Variants in CYLC2 observed in about 807,000 individuals in gnomAD.
CYLC2 encodes cylicin 2, also known as cylicin-2.
In CYLC2, 30 loss-of-function variants were observed where a neutral mutation model predicts 26.1. The ratio of observed to expected loss-of-function variants is 1.15; its 90% CI spans 0.86 to 1.56. The LOEUF is 1.56. Among genes scored for constraint, CYLC2 ranks in the 40% most tolerant of loss-of-function variants. The pLI, the probability that CYLC2 is intolerant of heterozygous loss-of-function variation, is 0.00. For missense variants in CYLC2, 498 were observed against 394.4 expected (o/e 1.26, Z -2.23); for synonymous variants, 158 against 132.8 (o/e 1.19, Z -1.31).
chr9:103,005,282 C>CA lies in CYLC2; in HGVS notation c.657dup (p.Gly220ArgfsTer2). 6.2e-7 allele frequency: 1 copy of CA among 1,612,660 alleles called. No homozygotes were observed. The highest frequency in any genetic ancestry group is 8.5e-7 in the Non-Finnish European group (1 of 1,179,680). On this transcript the variant is annotated frameshift_variant, in exon 5 of 8. Transcript: ENST00000374798. LOFTEE classifies it low-confidence loss of function (END_TRUNC). ...AAAAAGGAGGTACAGAGAAAGATAG[C>CA]AAAAAAGGTAAAAAGGATTCAAAGA...
intron 5 of CYLC2, among the ~76,000 whole-genome samples, chr9:103,008,126 GA>G (rs1468394784): frequency 6.6e-6 from 1 of 151,284 alleles, no homozygotes; most frequent in African/African-American, 2.4e-5. Context: ...GAAGATTTAG[GA>G]AATCATTTCA....
At chr9:103,016,465 G>C (rs988423444) in intron 6 of CYLC2, among the ~76,000 whole-genome samples, 2 of 151,996 alleles carry the variant, frequency 1.3e-5, no homozygotes, top group Non-Finnish European at 2.9e-5. Context: ...AATTTCAGTA[G>C]TTGTCACATG....
At chr9:102,999,054 T>G (rs1230331434) in intron 1 of CYLC2, among the ~76,000 whole-genome samples, 1 of 151,922 alleles carries the variant, frequency 6.6e-6, no homozygotes, top group Non-Finnish European at 1.5e-5. Context: ...TTGAGGTTAT[T>G]GTGAATAAAA....
chr9:103,000,947 C>G (rs1003460007), intron 1 of CYLC2, among the ~76,000 whole-genome samples: 1 of 151,728 alleles, frequency 6.6e-6, no homozygotes, highest in Non-Finnish European at 1.5e-5. Flanking sequence ...AAATGGGAAC[C>G]TACAAATGGA....
intron 5 of CYLC2, among the ~76,000 whole-genome samples, chr9:103,007,483 C>A (rs969044546): frequency 6.6e-6 from 1 of 151,976 alleles, no homozygotes; most frequent in Non-Finnish European, 1.5e-5. Context: ...CAGAGTGTAA[C>A]AGAGTAAGAA....
intron 6 of CYLC2, among the ~76,000 whole-genome samples, chr9:103,013,775 T>C (rs1298637307): frequency 2.8e-5 from 3 of 107,518 alleles, no homozygotes; most frequent in African/African-American, 7.7e-5. Flanking sequence ...TTTTATATTA[T>C]ATATTATATG....
intron 5 of CYLC2, among the ~76,000 whole-genome samples, chr9:103,010,010 TAC>T: frequency 6.6e-6 from 1 of 151,702 alleles, no homozygotes; most frequent in Middle Eastern, 3.5e-3. Context: ...TATATATATA[TAC>T]ATGTCAATAT....
In CYLC2 at chr9:103,005,924, C is replaced by A. The variant is rs1053133841; in HGVS notation, c.*246C>A. 2.0e-5 allele frequency: 8 copies of A among 405,012 alleles called. No individual in the cohort carries two copies. The highest frequency in any genetic ancestry group is 2.6e-5 in the Non-Finnish European group (6 of 229,918). 25.1% of individuals were successfully genotyped at this position (405,012 alleles called of 1,614,324 possible). A position where few individuals can be genotyped will look rare whatever the true frequency, so the allele number is the denominator to read the frequency against. ...CTTGAAGAATACATATACTTATATT[C>A]GGGGATATGAAGGATTCAATGAATG... On this transcript the variant is annotated 3_prime_UTR_variant, in exon 5 of 8. Transcript: ENST00000374798.
chr9:103,003,079 C>T, intron 2 of CYLC2, 63 bp from the exon 3 acceptor site: 1 of 1,585,900 alleles, frequency 6.3e-7, no homozygotes, highest in Non-Finnish European at 8.6e-7. Flanking sequence ...GCACGTAATG[C>T]CATTTCAGCT....
intron 6 of CYLC2, among the ~76,000 whole-genome samples, chr9:103,015,133 A>T (rs1829484195): frequency 8.3e-5 from 1 of 12,100 alleles, no homozygotes; most frequent in African/African-American, 2.6e-4. Flanking sequence ...CACGTGATAT[A>T]CATAACATGT....
intron 6 of CYLC2, among the ~76,000 whole-genome samples, chr9:103,012,517 T>G (rs1376756711): frequency 6.6e-6 from 1 of 152,068 alleles, no homozygotes; most frequent in Non-Finnish European, 1.5e-5. Context: ...TTTATAATTA[T>G]TCTTTTTTAA....
intron 6 of CYLC2, among the ~76,000 whole-genome samples, chr9:103,013,345 A>AATATATTATAT (rs1564100471): frequency 6.0e-5 from 1 of 16,630 alleles, no homozygotes; most frequent in Non-Finnish European, 1.2e-4. Context: ...TATATTATAT[A>AATATATTATAT]AATATATATT....
chr9:103,002,866 A>C (rs542030886), intron 2 of CYLC2, among the ~76,000 whole-genome samples: 1 of 152,288 alleles, frequency 6.6e-6, no homozygotes, highest in African/African-American at 2.4e-5. Flanking sequence ...ATTTAAAAGG[A>C]AGCAGTAAAA....
At chr9:103,013,161 A>G (rs1281920466) in intron 6 of CYLC2, among the ~76,000 whole-genome samples, 1 of 136,104 alleles carries the variant, frequency 7.3e-6, no homozygotes, top group South Asian at 2.1e-4. Context: ...ATAAATATAT[A>G]TTATATAAAT....
chr9:102,997,189 A>T (rs1829246775), intron 1 of CYLC2, among the ~76,000 whole-genome samples: 1 of 151,888 alleles, frequency 6.6e-6, no homozygotes, highest in Non-Finnish European at 1.5e-5. Context: ...TTGTTGGAAT[A>T]GAGGATTAGT....
chr9:103,002,104 A>T (rs1829294342), intron 2 of CYLC2, among the ~76,000 whole-genome samples: 1 of 151,948 alleles, frequency 6.6e-6, no homozygotes, highest in African/African-American at 2.4e-5. Context: ...CATTTTTCCC[A>T]TTGTTCCTAT....
Position 103,005,745 on chromosome 9 carries a change from T to C in CYLC2, c.*67T>C. ...ATATTTGATGAAACAATAGTGGTAGTCTGCAGCTGAATTTGTGAGAAAACA... is the reference window on the plus strand; with the variant it reads ...ATATTTGATGAAACAATAGTGGTAGCCTGCAGCTGAATTTGTGAGAAAACA... On this transcript the variant is annotated 3_prime_UTR_variant, in exon 5 of 8. Coordinates refer to ENST00000374798, the MANE Select transcript of CYLC2 (RefSeq NM_001340.5). 1 of 1,491,042 alleles carries C rather than the reference T, an allele frequency of 6.7e-7. No homozygotes were observed. The highest frequency in any genetic ancestry group is 1.4e-5 in the South Asian group (1 of 71,764). The allele number at this position is 1,491,042 out of a possible 1,614,324, so 92.4% of individuals were successfully genotyped here. A position where few individuals can be genotyped will look rare whatever the true frequency, so the allele number is the denominator to read the frequency against.
chr9:103,014,452 A>AATGTATATTACGTAATATACATAAT (rs1564101152), intron 6 of CYLC2, among the ~76,000 whole-genome samples: 1 of 129,520 alleles, frequency 7.7e-6, no homozygotes, highest in Non-Finnish European at 1.6e-5. Flanking sequence ...TAATATACAT[A>AATGTATATTACGTAATATACATAAT]ATGTATATTA....
Position 103,005,212 on chromosome 9 carries a change from A to C in CYLC2, c.581A>C (p.Lys194Thr). The change falls in exon 5 of 8, where the codon AAG becomes ACG. Residue 194 changes from lysine to threonine, a missense_variant. By Grantham distance (78) the Lys-to-Thr change is moderately conservative (BLOSUM62 -1). Transcript: ENST00000374798. Reference protein sequence around the residue: ...GAKKDNKKDKKDSNKGKDSAT... With the variant: ...GAKKDNKKDKTDSNKGKDSAT... ...AAGAAAGATAACAAAAAAGATAAAA[A>C]GGATTCAAACAAAGGCAAAGACTCG... 1 of 1,609,046 alleles carries C rather than the reference A, an allele frequency of 6.2e-7. No homozygotes were observed. Among genetic ancestry groups the C allele is most frequent in the Non-Finnish European group, 8.5e-7 (1 of 1,178,748 alleles).
Sources: gnomAD v4.1 joint callset for allele counts (sites outside exome capture counted in the v4.1 genomes callset) on GRCh38, gnomAD v4.1.1 for gene constraint, MANE v1.5 for transcripts, NCBI Gene and HGNC (gene_info 2026-07-23, HGNC 2026-07-21) for gene names.